Variants in CADM2 observed in about 807,000 individuals in gnomAD.
The protein encoded by CADM2 is cell adhesion molecule 2, also known as immunoglobulin superfamily member 4D.
A neutral mutation model predicts 49.8 loss-of-function variants in CADM2; 12 were observed. That is an observed-to-expected ratio of 0.24 (90% confidence interval 0.15 to 0.39). The LOEUF is 0.39. Among genes scored for constraint, CADM2 ranks in the 10% least tolerant of loss-of-function variants. CADM2 has a pLI of 1.00. For missense variants in CADM2, 378 were observed against 492.3 expected (o/e 0.77, Z 2.20); for synonymous variants, 214 against 175.4 (o/e 1.22, Z -1.74).
chr3:85,115,692 T>G (rs2038614211), intron 1 of CADM2, among the ~76,000 whole-genome samples: 2 of 152,216 alleles, frequency 1.3e-5, no homozygotes, highest in Admixed American at 1.3e-4. Flanking sequence ...AAAAGGTTAT[T>G]AATATACAGC....
intron 1 of CADM2, among the ~76,000 whole-genome samples, chr3:85,543,263 A>AT (rs1194877443): frequency 8.7e-5 from 5 of 57,284 alleles, no homozygotes; most frequent in Non-Finnish European, 1.7e-4. Flanking sequence ...TTTTATTTTT[A>AT]TTTTTTTTGG....
rs192191539 is a variant in CADM2 at position 85,225,797 on chromosome 3, G to A, written c.61+266129G>A. Among the ~76,000 whole-genome samples the A allele has an allele frequency of 3.0e-3, 450 of 152,236 alleles. 2 individuals are homozygous for A. The highest frequency in any genetic ancestry group is 0.01 in the African/African-American group (427 of 41,534). The stretch of plus-strand genomic sequence containing the variant: ...TCCATCAGTACCTAGTTTAGTGAGA[G>A]TTTTTAGCATGAAGGGCTGATAAAT... On this transcript the variant is annotated intron_variant, in intron 1 of 9. Coordinates refer to ENST00000383699, the MANE Select transcript of CADM2 (RefSeq NM_001167675.2).
intron 2 of CADM2, among the ~76,000 whole-genome samples, chr3:85,796,460 A>G (rs569427276): frequency 6.6e-6 from 1 of 152,244 alleles, no homozygotes; most frequent in South Asian, 2.1e-4. Flanking sequence ...CTTTCAAGTC[A>G]ACTATCCAGG....
At chr3:85,610,109 A>G (rs1404229516) in intron 1 of CADM2, among the ~76,000 whole-genome samples, 1 of 151,984 alleles carries the variant, frequency 6.6e-6, no homozygotes, top group East Asian at 1.9e-4. Context: ...AACAGGGCTC[A>G]AAGTGGGCTC....
intron 1 of CADM2, among the ~76,000 whole-genome samples, chr3:85,133,031 C>T (rs1374421593): frequency 6.6e-6 from 1 of 152,046 alleles, no homozygotes; most frequent in Non-Finnish European, 1.5e-5. Context: ...CAGACCTTTG[C>T]GGTGAGTGTT....
At chr3:85,806,625 C>A (rs1487948637) in intron 3 of CADM2, among the ~76,000 whole-genome samples, 3 of 152,126 alleles carry the variant, frequency 2.0e-5, no homozygotes, top group Non-Finnish European at 2.9e-5. Context: ...ATCCTAGCCA[C>A]TTGGGAGGCT....
intron 1 of CADM2, among the ~76,000 whole-genome samples, chr3:85,058,736 C>T (rs538225626): frequency 3.9e-5 from 6 of 152,058 alleles, no homozygotes; most frequent in South Asian, 4.2e-4. Context: ...TGAGCCACCG[C>T]GCCCAGCTAA....
chr3:85,575,233 CA>C (rs2062596749), intron 1 of CADM2, among the ~76,000 whole-genome samples: 1 of 152,132 alleles, frequency 6.6e-6, no homozygotes, highest in Admixed American at 6.5e-5. Context: ...AATGAAAATG[CA>C]TGAACTTACC....
chr3:86,026,313 C>T (rs1352576062), intron 8 of CADM2, among the ~76,000 whole-genome samples: 2 of 151,490 alleles, frequency 1.3e-5, no homozygotes, highest in African/African-American at 2.4e-5. Flanking sequence ...AGTCAGGAAA[C>T]TCGAAGTTTT....
chr3:85,371,756 A>G (rs1394254268), intron 1 of CADM2, among the ~76,000 whole-genome samples: 1 of 146,370 alleles, frequency 6.8e-6, no homozygotes, highest in Non-Finnish European at 1.5e-5. Context: ...TGGATCTAAA[A>G]TACAGTATTT....
intron 1 of CADM2, among the ~76,000 whole-genome samples, chr3:85,097,220 A>G (rs1006842313): frequency 1.9e-4 from 29 of 152,104 alleles, no homozygotes; most frequent in African/African-American, 1.2e-4. Flanking sequence ...TCATTGTTCA[A>G]TTCCCACCTA....
chr3:84,986,879 C>T (rs901776371), intron 1 of CADM2, among the ~76,000 whole-genome samples: 1 of 151,608 alleles, frequency 6.6e-6, no homozygotes, highest in Non-Finnish European at 1.5e-5. Context: ...TGGAGAAACC[C>T]CGTCTCTACT....
chr3:85,411,581 G>GT (rs2035658960), intron 1 of CADM2, among the ~76,000 whole-genome samples: 1 of 152,088 alleles, frequency 6.6e-6, no homozygotes, highest in Non-Finnish European at 1.5e-5. Context: ...ACTGAACAGC[G>GT]TAACAATCAT....
intron 1 of CADM2, among the ~76,000 whole-genome samples, chr3:85,048,085 G>C (rs1459684697): frequency 6.6e-6 from 1 of 151,770 alleles, no homozygotes; most frequent in Non-Finnish European, 1.5e-5. Context: ...TTTTTTTCAA[G>C]GAACTCCCAA....
rs551762455 is a variant in CADM2, at chr3:86,013,158, G to A, written c.970+51511G>A. Reference sequence around the variant, plus strand: ...AAGTAGACACAGAAAACGAATAAAAGAACTGAGTGAAGACGAAATCAGGAC... The same window carrying A: ...AAGTAGACACAGAAAACGAATAAAAAAACTGAGTGAAGACGAAATCAGGAC... On this transcript the variant is annotated intron_variant, in intron 8 of 9. Coordinates refer to ENST00000383699, the MANE Select transcript of CADM2 (RefSeq NM_001167675.2). The A allele has an allele frequency of 1.3e-4, 180 of 1,350,926 alleles. No individual in the cohort carries two copies. The African/African-American group carries it at 2.4e-3, about 18-fold the overall frequency. The allele number at this position is 1,350,926 out of a possible 1,614,324, so 83.7% of individuals were successfully genotyped here.
chr3:85,593,020 C>T (rs1025983119), intron 1 of CADM2, among the ~76,000 whole-genome samples: 1 of 151,924 alleles, frequency 6.6e-6, no homozygotes, highest in African/African-American at 2.4e-5. Context: ...ATTCTGTCTG[C>T]CTAAGTGCTT....
At chr3:84,991,651 T>C (rs2032896506) in intron 1 of CADM2, among the ~76,000 whole-genome samples, 1 of 152,218 alleles carries the variant, frequency 6.6e-6, no homozygotes, top group African/African-American at 2.4e-5. Context: ...AGTTCCTTGA[T>C]GTTTTCCCAA....
chr3:85,520,337 C>G (rs2061002807), intron 1 of CADM2, among the ~76,000 whole-genome samples: 1 of 151,672 alleles, frequency 6.6e-6, no homozygotes, highest in Non-Finnish European at 1.5e-5. Flanking sequence ...ATAAGAAACA[C>G]AAATGTAAAG....
At chr3:85,159,950 A>G (rs952923397) in intron 1 of CADM2, among the ~76,000 whole-genome samples, 1 of 152,202 alleles carries the variant, frequency 6.6e-6, no homozygotes, top group African/African-American at 2.4e-5. Flanking sequence ...AAAGCTGTAT[A>G]ATTTGAAATT....
Sources: allele counts gnomAD v4.1 joint callset (sites outside exome capture counted in the v4.1 genomes callset), GRCh38; gene constraint gnomAD v4.1.1; transcripts MANE v1.5; gene names NCBI Gene and HGNC (gene_info 2026-07-23, HGNC 2026-07-21).